Variants in SCRN3 observed in about 807,000 individuals in gnomAD.
SCRN3 encodes the protein secernin 3.
Under a neutral mutation model 43.1 loss-of-function variants are expected in SCRN3, and 39 were observed. That is an observed-to-expected ratio of 0.91 (90% CI 0.70 to 1.18). SCRN3 has a LOEUF of 1.18. Among genes scored for constraint, SCRN3 ranks in the 50% most tolerant of loss-of-function variants. The probability of loss-of-function intolerance (pLI) is 0.00; values close to 1 mark genes in which losing one functional copy is unlikely to be tolerated. For missense variants in SCRN3, 484 were observed against 498.0 expected (o/e 0.97, Z 0.27); for synonymous variants, 147 against 163.1 (o/e 0.90, Z 0.75).
intron 5 of SCRN3, among the ~76,000 whole-genome samples, chr2:174,417,800 TTTC>T (rs1412882838): frequency 6.6e-6 from 1 of 152,236 alleles, no homozygotes; most frequent in Non-Finnish European, 1.5e-5. Flanking sequence ...AAAAATGGAC[TTTC>T]TTACTTGTCG....
In SCRN3 at chr2:174,415,366, AT is replaced by A. The variant is rs914183300; in HGVS notation, c.755-7511del. On this transcript the variant is annotated intron_variant, in intron 5 of 7. Transcript: ENST00000272732. ...AAAAATGGCATGTTACAATTTTAAT[AT>A]TTTTTTTAGTGAAATTAGATATATT... 5.9e-5 allele frequency among the ~76,000 whole-genome samples: 9 copies of A among 152,006 alleles called. No homozygotes were observed. In the South Asian group the frequency reaches 1.3e-3, roughly 21 times the overall value.
intron 2 of SCRN3, among the ~76,000 whole-genome samples, chr2:174,399,717 T>C (rs550323739): frequency 5.3e-4 from 80 of 152,338 alleles, no homozygotes; most frequent in African/African-American, 1.7e-3. Flanking sequence ...GCTCAGCAAA[T>C]ATTTGAATGA....
chr2:174,402,011 G>C (rs1685523923), intron 4 of SCRN3, among the ~76,000 whole-genome samples: 1 of 152,176 alleles, frequency 6.6e-6, no homozygotes, highest in East Asian at 1.9e-4. Context: ...GTTCAGAAAG[G>C]CTTCATGAAG....
chr2:174,413,150 G>A (rs185089226), intron 5 of SCRN3, among the ~76,000 whole-genome samples: 1 of 151,988 alleles, frequency 6.6e-6, no homozygotes, highest in Non-Finnish European at 1.5e-5. Context: ...GGGATTACGG[G>A]CATGAGCCAC....
chr2:174,398,979 A>G (rs1685416897), intron 2 of SCRN3, among the ~76,000 whole-genome samples: 1 of 152,186 alleles, frequency 6.6e-6, no homozygotes, highest in African/African-American at 2.4e-5. Flanking sequence ...CAGTTTTATG[A>G]CACATCAAAA....
intron 5 of SCRN3, among the ~76,000 whole-genome samples, chr2:174,422,352 T>A (rs543328506): frequency 3.9e-5 from 6 of 152,210 alleles, no homozygotes; most frequent in African/African-American, 1.4e-4. Context: ...CTGGGGAGGA[T>A]CACCTGAGGT....
intron 7 of SCRN3, among the ~76,000 whole-genome samples, chr2:174,425,929 C>A (rs914833192): frequency 5.3e-5 from 8 of 152,092 alleles, no homozygotes; most frequent in Admixed American, 2.0e-4. Context: ...GTCTATTGGT[C>A]ATGAGTATTT....
intron 1 of SCRN3, chr2:174,396,131 G>A: frequency 1.1e-6 from 1 of 944,544 alleles, no homozygotes; most frequent in East Asian, 4.0e-5. Context: ...CCAACAATAT[G>A]ATGTTTCTGA....
At chr2:174,403,287 G>A (rs568939958) in intron 4 of SCRN3, among the ~76,000 whole-genome samples, 3 of 151,284 alleles carry the variant, frequency 2.0e-5, no homozygotes, top group African/African-American at 7.3e-5. Context: ...AGCCACTCTA[G>A]AAAATAGTTT....
At position 174,427,836 on chromosome 2, in the gene SCRN3, T is replaced by C; in HGVS notation, c.1216T>C (p.Cys406Arg). ...GAAAATTGTTAATCTCTTTCCTCAG[T>C]GTACAAAAGATGAAATTCAAATTTA... ...VEKIVNLFPQ[C>R]TKDEIQIYQS... The change falls in exon 8 of 8, where the codon TGT becomes CGT. Residue 406 changes from cysteine (C) to arginine (R), a missense_variant. Coordinates refer to ENST00000272732, the MANE Select transcript of SCRN3 (RefSeq NM_024583.5). 3 of 1,606,080 alleles carry C rather than the reference T, an allele frequency of 1.9e-6. No individual in the cohort carries two copies. In the South Asian group the frequency reaches 3.3e-5, roughly 18 times the overall value.
At chr2:174,396,493 G>T (rs565386142) in intron 1 of SCRN3, among the ~76,000 whole-genome samples, 1 of 152,156 alleles carries the variant, frequency 6.6e-6, no homozygotes, top group South Asian at 2.1e-4. Context: ...TCTCTATCAG[G>T]GTAATGTTAA....
At chr2:174,404,399 G>T in intron 5 of SCRN3, 84 bp downstream of exon 5, 1 of 850,230 alleles carries the variant, frequency 1.2e-6, no homozygotes, top group Non-Finnish European at 1.8e-6. Flanking sequence ...TCTGTTTTGG[G>T]GAATTATAAT....
At chr2:174,426,387 A>G (rs974950090) in intron 7 of SCRN3, among the ~76,000 whole-genome samples, 1 of 152,200 alleles carries the variant, frequency 6.6e-6, no homozygotes, top group Non-Finnish European at 1.5e-5. Context: ...GTGTTTCCTC[A>G]GAAAAAAGCT....
intron 5 of SCRN3, among the ~76,000 whole-genome samples, chr2:174,415,964 C>T (rs1387435151): frequency 4.6e-5 from 7 of 152,076 alleles, no homozygotes; most frequent in Non-Finnish European, 7.3e-5. Flanking sequence ...TTCTATAAAG[C>T]GGTCAGAAAG....
chr2:174,421,334 T>C (rs77866067), intron 5 of SCRN3, among the ~76,000 whole-genome samples: 3,044 of 151,954 alleles, frequency 0.02, 92 homozygotes, highest in African/African-American at 0.069. Context: ...TACGCAGGAG[T>C]AGATGAAGAG....
At chr2:174,417,980 A>G (rs771795822) in intron 5 of SCRN3, among the ~76,000 whole-genome samples, 17 of 152,342 alleles carry the variant, frequency 1.1e-4, no homozygotes, top group Non-Finnish European at 1.9e-4. Context: ...AGGCTCAGGA[A>G]ATAAATTTAG....
intron 5 of SCRN3, among the ~76,000 whole-genome samples, chr2:174,414,786 C>CA (rs1195227397): frequency 8.2e-6 from 1 of 121,922 alleles, no homozygotes; most frequent in Non-Finnish European, 1.7e-5. Context: ...TTTTTTGAGA[C>CA]AGAGTCTTGC....
chr2:174,424,475 A>G lies in SCRN3; in HGVS notation c.918A>G (p.Arg306=). The change falls in exon 7 of 8, where the codon AGA becomes AGG. Residue 306 remains arginine, a splice_region_variant and synonymous_variant. Coordinates refer to ENST00000272732, the MANE Select transcript of SCRN3 (RefSeq NM_024583.5). ...HFFTGTPDPE[R]SVFKPFIFVP... is the part of the protein sequence containing the mutation. ...ATTTAATAAAGACTCTTTTTTCTAG[A>G]TCTGTTTTTAAGCCTTTCATATTTG... 1 of 1,577,756 alleles carries G rather than the reference A, an allele frequency of 6.3e-7. No individual in the cohort carries two copies. Among genetic ancestry groups the G allele is most frequent in the Non-Finnish European group, 8.6e-7 (1 of 1,157,438 alleles).
rs1685496831 is a variant in SCRN3 at position 174,401,152 on chromosome 2, G to A, written c.504G>A (p.Glu168=). 2 of 1,613,936 alleles carry A rather than the reference G, an allele frequency of 1.2e-6. No individual in the cohort carries two copies. Among genetic ancestry groups the A allele is most frequent in the Non-Finnish European group, 1.7e-6 (2 of 1,179,900 alleles). Residue 168 remains glutamate (E), a synonymous_variant, in exon 4 of 8, where the codon GAG becomes GAA. Transcript: ENST00000272732. ...IADRNEAWIL[E]TAGKYWAAEK... is the part of the protein sequence containing the mutation. ...ATAGGAATGAAGCCTGGATTCTGGA[G>A]ACTGCAGGGAAGTACTGGGCAGCAG...
Sources: allele counts gnomAD v4.1 joint callset (sites outside exome capture counted in the v4.1 genomes callset), GRCh38; gene constraint gnomAD v4.1.1; transcripts MANE v1.5; gene names NCBI Gene and HGNC (gene_info 2026-07-23, HGNC 2026-07-21).